CECR2: variants seen among roughly 807,000 people sequenced by gnomAD.
CECR2 encodes CECR2 histone acetyl-lysine reader.
Under a neutral mutation model 154.5 loss-of-function variants are expected in CECR2, and 30 were observed. That is an observed-to-expected ratio of 0.19 (90% CI 0.15 to 0.26). CECR2 has a LOEUF of 0.26. Ranked by LOEUF, CECR2 falls within the 10% of genes least tolerant of loss-of-function variation. CECR2 has a pLI of 1.00. For synonymous variants in CECR2, 725 were observed against 683.7 expected (o/e 1.06, Z -0.94); for missense variants, 1,743 against 1,829.3 (o/e 0.95, Z 0.86).
At chr22:17,539,179 T>A in intron 13 of CECR2, 60 bp downstream of exon 13, 1 of 1,580,006 alleles carries the variant, frequency 6.3e-7, no homozygotes, top group South Asian at 1.1e-5. Flanking sequence ...AAATGCCTTC[T>A]CTTTTACAAA....
intron 3 of CECR2, among the ~76,000 whole-genome samples, chr22:17,498,417 A>G (rs2055672640): frequency 6.6e-6 from 1 of 151,956 alleles, no homozygotes; most frequent in African/African-American, 2.4e-5. Flanking sequence ...TATATCCTCA[A>G]GGGAGAGTGT....
At chr22:17,543,464 G>A (rs1446951531) in intron 16 of CECR2, among the ~76,000 whole-genome samples, 1 of 151,844 alleles carries the variant, frequency 6.6e-6, no homozygotes, top group Non-Finnish European at 1.5e-5. Flanking sequence ...CTCAGATTTG[G>A]GCCAATCACA....
rs1161411668 is a variant in CECR2 at position 17,494,671 on chromosome 22, CTT to C, written c.222-2730_222-2729del. Among the ~76,000 whole-genome samples the C allele has an allele frequency of 2.0e-5, 3 of 152,240 alleles. No individual in the cohort carries two copies. The East Asian group carries it at 5.8e-4, about 29-fold the overall frequency. ...AGTAGGGGAAAGATGTTTCTTCTCT[CTT>C]TGAAAAAGCAAACTGTTTAAGTGTT... On this transcript the variant is annotated intron_variant, in intron 2 of 18. Coordinates refer to ENST00000262608, the MANE Select transcript of CECR2 (RefSeq NM_001290047.2).
At chr22:17,406,779 C>T (rs1353276822) in intron 1 of CECR2, among the ~76,000 whole-genome samples, 1 of 152,118 alleles carries the variant, frequency 6.6e-6, no homozygotes, top group Non-Finnish European at 1.5e-5. Flanking sequence ...TTCATTAGTG[C>T]ACTAATCAAC....
chr22:17,539,601 C>T (rs1200888245), intron 13 of CECR2, among the ~76,000 whole-genome samples: 1 of 151,998 alleles, frequency 6.6e-6, no homozygotes, highest in African/African-American at 2.4e-5. Context: ...ACCAGCATGG[C>T]ACATGTATAC....
intron 1 of CECR2, 48 bp downstream of exon 1, chr22:17,369,957 C>T (rs1284417466): frequency 2.6e-5 from 4 of 151,260 alleles, no homozygotes; most frequent in Non-Finnish European, 5.9e-5. Context: ...CCCCTGCTCC[C>T]CCTGCCCCGC....
chr22:17,465,196 C>G (rs1334042754), intron 1 of CECR2, among the ~76,000 whole-genome samples: 2 of 152,046 alleles, frequency 1.3e-5, no homozygotes, highest in African/African-American at 4.8e-5. Context: ...CGGGGTTTCA[C>G]CGTGTTAGCC....
At chr22:17,385,942 G>A (rs2063254984) in intron 1 of CECR2, among the ~76,000 whole-genome samples, 1 of 152,176 alleles carries the variant, frequency 6.6e-6, no homozygotes, top group Non-Finnish European at 1.5e-5. Context: ...TGTGATGAAG[G>A]TTGCGTCGCT....
At chr22:17,452,507 G>C (rs2054787719) in intron 1 of CECR2, among the ~76,000 whole-genome samples, 1 of 152,156 alleles carries the variant, frequency 6.6e-6, no homozygotes, top group African/African-American at 2.4e-5. Flanking sequence ...GTGAAAATCA[G>C]TCTCTTGAAG....
intron 2 of CECR2, among the ~76,000 whole-genome samples, chr22:17,493,119 G>A (rs996383427): frequency 3.3e-5 from 5 of 152,094 alleles, no homozygotes; most frequent in East Asian, 3.9e-4. Context: ...TTACAGGCAC[G>A]TACCACCATG....
rs1449130452 is a variant in CECR2 at position 17,506,548 on chromosome 22, CTTATT to C, written c.870+1537_870+1541del. ...TTGTCGCTTAACATGTTTCTTTATG[CTTATT>C]TTATATCTTTGTGAGTTCAGGCTTC... On this transcript the variant is annotated intron_variant, in intron 7 of 18. Coordinates refer to ENST00000262608, the MANE Select transcript of CECR2 (RefSeq NM_001290047.2). Among the ~76,000 whole-genome samples the C allele has an allele frequency of 3.3e-5, 5 of 152,302 alleles. No individual in the cohort carries two copies. In the East Asian group the frequency reaches 9.6e-4, roughly 29 times the overall value.
intron 1 of CECR2, among the ~76,000 whole-genome samples, chr22:17,408,573 C>G (rs1289407756): frequency 6.6e-6 from 1 of 152,158 alleles, no homozygotes; most frequent in Non-Finnish European, 1.5e-5. Context: ...CTTTCTCACC[C>G]AAGATGTTTC....
Position 17,527,267 on chromosome 22 carries a change from C to T in CECR2, c.1108+2996C>T, listed in dbSNP as rs191889649. Among the ~76,000 whole-genome samples, 377 of 151,476 alleles carry T rather than the reference C, an allele frequency of 2.5e-3. 3 individuals carry two copies. The highest frequency in any genetic ancestry group is 8.6e-3 in the African/African-American group (356 of 41,276). ...TAGCACAGGAGTTCAAGACCAGCCT[C>T]GGCAACACGGTAAAACCCCATCTCT... On this transcript the variant is annotated intron_variant, in intron 9 of 18. Transcript: ENST00000262608.
intron 2 of CECR2, among the ~76,000 whole-genome samples, chr22:17,481,702 C>T (rs1000611676): frequency 4.6e-5 from 7 of 152,168 alleles, no homozygotes; most frequent in South Asian, 2.1e-4. Context: ...GTGATAGACA[C>T]AAAAATTTTT....
At chr22:17,437,784 T>G (rs564969335) in intron 1 of CECR2, among the ~76,000 whole-genome samples, 1 of 152,190 alleles carries the variant, frequency 6.6e-6, no homozygotes, top group Non-Finnish European at 1.5e-5. Flanking sequence ...CATCACTGCT[T>G]CTTAGCAGGA....
rs369929274 is a variant in CECR2 at position 17,539,114 on chromosome 22, G to A, written c.1490G>A (p.Ser497Asn). 8.7e-6 allele frequency: 14 copies of A among 1,612,988 alleles called. No individual in the cohort carries two copies. The highest frequency in any genetic ancestry group is 1.7e-5 in the Admixed American group (1 of 60,004). The stretch of plus-strand genomic sequence containing the variant: ...AATTGTCGAAAGTATAATGGGGAAA[G>A]TAGTGGTAAGCAGGGAAGGAGTTTG... ...FRNCRKYNGE[S>N]SEYTKMSDNL... The change falls in exon 13 of 19, where the codon AGT becomes AAT. Residue 497 changes from serine (S) to asparagine (N), a missense_variant. Physicochemically the swap from Ser to Asn is conservative, Grantham distance 46. This residue lies in a region of CECR2 where 103 missense variants were observed against 166.8 expected (regional missense o/e 0.62). Coordinates refer to ENST00000262608, the MANE Select transcript of CECR2 (RefSeq NM_001290047.2).
chr22:17,419,409 T>C (rs2054206216), intron 1 of CECR2: 1 of 179,588 alleles, frequency 5.6e-6, no homozygotes, highest in Non-Finnish European at 1.2e-5. Context: ...TTGTGGTGGA[T>C]GAGAGCCCTG....
At chr22:17,487,881 T>G (rs1459593683) in intron 2 of CECR2, among the ~76,000 whole-genome samples, 3 of 151,604 alleles carry the variant, frequency 2.0e-5, no homozygotes, top group African/African-American at 7.3e-5. Flanking sequence ...TATTTATTTA[T>G]TTATTTATTT....
At chr22:17,379,996 A>G (rs2063167981) in intron 1 of CECR2, among the ~76,000 whole-genome samples, 1 of 152,132 alleles carries the variant, frequency 6.6e-6, no homozygotes, top group African/African-American at 2.4e-5. Flanking sequence ...CAATCCCCAC[A>G]GAGACCCTGT....
Sources: gnomAD v4.1 joint callset for allele counts (sites outside exome capture counted in the v4.1 genomes callset) on GRCh38, gnomAD v4.1.1 for gene constraint, gnomAD v4.1.1 regional missense constraint, MANE v1.5 for transcripts, NCBI Gene and HGNC (gene_info 2026-07-23, HGNC 2026-07-21) for gene names.